UGT1A8: variants seen among roughly 807,000 people sequenced by gnomAD.
UGT1A8 encodes the protein UDP glucuronosyltransferase family 1 member A8.
UGT1A8 carries 39 observed loss-of-function variants against 45.3 expected under a neutral mutation model. That is an observed-to-expected ratio of 0.86 (90% CI 0.67 to 1.12). UGT1A8 has a LOEUF of 1.12. UGT1A8 is among the 50% of genes most tolerant of loss of function. The pLI, the probability that UGT1A8 is intolerant of heterozygous loss-of-function variation, is 0.00. For missense variants in UGT1A8, 719 were observed against 664.9 expected, an observed-to-expected ratio of 1.08 and a Z score of -0.90; for synonymous variants, 275 against 249.2, an observed-to-expected ratio of 1.10 and a Z score of -0.97.
chr2:233,741,622 A>G (rs1467622913), intron 1 of UGT1A8: 1 of 151,894 alleles, frequency 6.6e-6, no homozygotes, highest in Non-Finnish European at 1.5e-5. Context: ...GTCAGACCCC[A>G]TGAGCCCCTG....
At chr2:233,728,928 C>G (rs545859432) in intron 1 of UGT1A8, among the ~76,000 whole-genome samples, 4,928 of 152,196 alleles carry the variant, frequency 0.032, 259 homozygotes, top group African/African-American at 0.11. Context: ...TAGTCATGAT[C>G]GGTCTTTTCC....
intron 1 of UGT1A8, chr2:233,721,744 G>T: frequency 4.6e-6 from 2 of 439,016 alleles, no homozygotes; most frequent in South Asian, 1.7e-5. Flanking sequence ...AATGATGAGA[G>T]AATCTACATC....
At position 233,618,221 on chromosome 2, in the gene UGT1A8, A is replaced by T; in HGVS notation, c.514A>T (p.Ile172Leu). ...SLPSVVFARG[I>L]ACHYLEEGAQ... Reference sequence around the variant, plus strand: ...CCCCTCTGTGGTCTTCGCCAGGGGAATAGCTTGCCACTATCTTGAAGAAGG... The same window carrying T: ...CCCCTCTGTGGTCTTCGCCAGGGGATTAGCTTGCCACTATCTTGAAGAAGG... Residue 172 changes from isoleucine (I) to leucine (L), a missense_variant, in exon 1 of 5, where the codon ATA becomes TTA. Physicochemically the swap from Ile to Leu is conservative, Grantham distance 5 (BLOSUM62 2). Transcript: ENST00000373450. The T allele has an allele frequency of 6.2e-7, 1 of 1,613,960 alleles. No individual in the cohort carries two copies. Among genetic ancestry groups the T allele is most frequent in the Non-Finnish European group, 8.5e-7 (1 of 1,179,900 alleles).
At chr2:233,723,283 C>G (rs2077074487) in intron 1 of UGT1A8, among the ~76,000 whole-genome samples, 1 of 114,006 alleles carries the variant, frequency 8.8e-6, no homozygotes, top group Non-Finnish European at 1.7e-5. Context: ...GATGTTGGCT[C>G]ACTGCAACCT....
chr2:233,653,415 A>G (rs929457071), intron 1 of UGT1A8, among the ~76,000 whole-genome samples: 1 of 152,188 alleles, frequency 6.6e-6, no homozygotes, highest in Non-Finnish European at 1.5e-5. Flanking sequence ...AATAGGTTAA[A>G]AAAGGAAAAG....
At position 233,772,405 on chromosome 2, in the gene UGT1A8, G is replaced by T. The variant is rs1176419046; in HGVS notation, c.1439G>T (p.Trp480Leu). Residue 480 changes from tryptophan to leucine, a missense_variant, in exon 5 of 5, where the codon TGG (tryptophan) becomes TTG (leucine). Coordinates refer to ENST00000373450, the MANE Select transcript of UGT1A8 (RefSeq NM_019076.5). ...CGCCCCGCAGCCCACGACCTCACCT[G>T]GTACCAGTACCATTCCTTGGACGTG... ...HLRPAAHDLTWYQYHSLDVIG... is the reference protein window; with the variant it reads ...HLRPAAHDLTLYQYHSLDVIG... 1.2e-6 allele frequency: 2 copies of T among 1,614,224 alleles called. No individual in the cohort carries two copies. Among genetic ancestry groups the T allele is most frequent in the South Asian group, 1.1e-5 (1 of 91,090 alleles).
chr2:233,635,596 A>G (rs1575389713), intron 1 of UGT1A8, among the ~76,000 whole-genome samples: 1 of 150,698 alleles, frequency 6.6e-6, no homozygotes, highest in East Asian at 1.9e-4. Flanking sequence ...TTTGACCATG[A>G]TATATGGAGG....
At chr2:233,636,868 T>G (rs1301990036) in intron 1 of UGT1A8, 1 of 1,614,128 alleles carries the variant, frequency 6.2e-7, no homozygotes, top group African/African-American at 1.3e-5. Flanking sequence ...ATCCAGTGGT[T>G]TTCTTGACTT....
chr2:233,636,823 C>T, intron 1 of UGT1A8: 3 of 1,614,194 alleles, frequency 1.9e-6, no homozygotes, highest in South Asian at 1.1e-5. Context: ...ATGGAAAGCA[C>T]AGGCACAAAG....
At chr2:233,772,075 T>C (rs1032984731) in intron 4 of UGT1A8, among the ~76,000 whole-genome samples, 187 bp from the exon 5 acceptor site, 85 of 152,270 alleles carry the variant, frequency 5.6e-4, no homozygotes, top group Non-Finnish European at 1.0e-3. Flanking sequence ...CTTGTGCCAC[T>C]ACACTCCAGC....
At chr2:233,638,998 C>G (rs1451606260) in intron 1 of UGT1A8, among the ~76,000 whole-genome samples, 2 of 152,176 alleles carry the variant, frequency 1.3e-5, no homozygotes, top group Non-Finnish European at 2.9e-5. Flanking sequence ...CATGTGTTGC[C>G]TACACCCCAC....
At chr2:233,696,875 A>C (rs994045666) in intron 1 of UGT1A8, among the ~76,000 whole-genome samples, 1 of 152,206 alleles carries the variant, frequency 6.6e-6, no homozygotes, top group Non-Finnish European at 1.5e-5. Context: ...AGCATCTACA[A>C]CATATGAGTT....
intron 1 of UGT1A8, among the ~76,000 whole-genome samples, chr2:233,686,415 A>G (rs536972328): frequency 1.3e-5 from 2 of 152,306 alleles, no homozygotes; most frequent in South Asian, 2.1e-4. Context: ...AGGTGTGCAG[A>G]TAAACACACG....
chr2:233,696,423 T>G (rs1466481470), intron 1 of UGT1A8, among the ~76,000 whole-genome samples: 1 of 152,216 alleles, frequency 6.6e-6, no homozygotes, highest in African/African-American at 2.4e-5. Flanking sequence ...CCTTTTCAGT[T>G]TTTTCTCTGT....
chr2:233,630,212 A>G (rs2073162882), intron 1 of UGT1A8, among the ~76,000 whole-genome samples: 1 of 151,920 alleles, frequency 6.6e-6, no homozygotes, highest in South Asian at 2.1e-4. Flanking sequence ...CATCATGTTT[A>G]TTTTTCAAGG....
intron 1 of UGT1A8, chr2:233,760,773 G>C (rs780985622): frequency 2.5e-6 from 4 of 1,613,826 alleles, no homozygotes; most frequent in Non-Finnish European, 3.4e-6. Flanking sequence ...TCGTGGCCCA[G>C]TACCTGTCTC....
intron 1 of UGT1A8, among the ~76,000 whole-genome samples, chr2:233,720,841 G>C (rs529446200): frequency 2.0e-5 from 3 of 151,096 alleles, no homozygotes; most frequent in African/African-American, 7.3e-5. Context: ...GAGTAACTGG[G>C]ACTGCAGGCA....
At chr2:233,707,836 T>C (rs2075990363) in intron 1 of UGT1A8, among the ~76,000 whole-genome samples, 1 of 152,212 alleles carries the variant, frequency 6.6e-6, no homozygotes, top group Non-Finnish European at 1.5e-5. Context: ...TTTAATAAGA[T>C]GTAACTATTT....
rs528108903 is a variant in UGT1A8, at chr2:233,675,717, A to T, written c.855+57155A>T. Among the ~76,000 whole-genome samples the T allele has an allele frequency of 2.0e-5, 3 of 152,362 alleles. No individual in the cohort carries two copies. The East Asian group carries it at 5.8e-4, about 29-fold the overall frequency. The stretch of plus-strand genomic sequence containing the variant: ...TCCATTCTTAGGTTAAATAATTTTC[A>T]CTATTTTGCTCTACTAATTCATCTA... On this transcript the variant is annotated intron_variant, in intron 1 of 4. Coordinates refer to ENST00000373450, the MANE Select transcript of UGT1A8 (RefSeq NM_019076.5).
Sources: gnomAD v4.1 joint callset for allele counts (sites outside exome capture counted in the v4.1 genomes callset) on GRCh38, gnomAD v4.1.1 for gene constraint, MANE v1.5 for transcripts, NCBI Gene and HGNC (gene_info 2026-07-23, HGNC 2026-07-21) for gene names.